PHF8: variants seen among roughly 807,000 people sequenced by gnomAD.
PHF8 encodes PHD finger protein 8.
Under a neutral mutation model 74.4 loss-of-function variants are expected in PHF8, and 9 were observed. The observed-to-expected ratio is 0.12, with a 90% CI of 0.07 to 0.21. The LOEUF (loss-of-function observed/expected upper bound fraction) is 0.21. PHF8 is among the 10% of genes least tolerant of loss of function. PHF8 has a pLI of 1.00. For synonymous variants in PHF8, 311 were observed against 316.6 expected (o/e 0.98, Z 0.19); for missense variants, 478 against 816.6 (o/e 0.59, Z 5.05).
intron 2 of PHF8, among the ~76,000 whole-genome samples, chrX:54,041,416 A>C (rs887228450): frequency 9.1e-6 from 1 of 109,669 alleles, no homozygotes; most frequent in East Asian, 2.8e-4. Context: ...AAAAAAGAAA[A>C]AAAGAAAAAG....
intron 2 of PHF8, among the ~76,000 whole-genome samples, chrX:54,025,108 C>T (rs2066246672): frequency 9.0e-6 from 1 of 111,018 alleles, no homozygotes; most frequent in Admixed American, 9.6e-5. Context: ...GATCTCCTGA[C>T]CTCGTGATCC....
At chrX:53,964,728 G>A (rs1337881662) in intron 18 of PHF8, among the ~76,000 whole-genome samples, 1 of 110,021 alleles carries the variant, frequency 9.1e-6, no homozygotes, top group South Asian at 3.9e-4. Context: ...GTAGCTGGGC[G>A]TGGTGGCGCG....
chrX:54,026,530 TTTGTTG>T (rs782228820), intron 2 of PHF8, among the ~76,000 whole-genome samples: 22 of 103,071 alleles, frequency 2.1e-4, no homozygotes, highest in African/African-American at 6.6e-4. Context: ...GGTTTTGGCT[TTTGTTG>T]TTGTTGTTGT....
At chrX:53,985,724 AAT>A in intron 17 of PHF8, 90 bp downstream of exon 17, 3 of 1,190,254 alleles carry the variant, frequency 2.5e-6, no homozygotes, top group Non-Finnish European at 3.4e-6. Flanking sequence ...TAGCTCTATA[AAT>A]ATCTACTGAT....
At chrX:54,036,600 ACT>A (rs1491242902) in intron 2 of PHF8, among the ~76,000 whole-genome samples, 7 of 86,811 alleles carry the variant, frequency 8.1e-5, no homozygotes, top group African/African-American at 3.5e-4. Flanking sequence ...AAAAAAAAAA[ACT>A]TTTTTTTTTT....
At chrX:53,944,398 T>G in intron 19 of PHF8, 155 bp from the exon 20 acceptor site, 1 of 456,740 alleles carries the variant, frequency 2.2e-6, no homozygotes, top group Non-Finnish European at 3.9e-6. Context: ...CATAAGAACC[T>G]AATTCACCAA....
chrX:53,993,692 G>A lies in PHF8; in HGVS notation c.1535C>T (p.Ser512Leu). 2.5e-6 allele frequency: 3 copies of A among 1,209,427 alleles called. No homozygotes were observed. The highest frequency in any genetic ancestry group is 3.4e-6 in the Non-Finnish European group (3 of 892,953). ...KKAERKGKES[S>L]ALGPAGQLSY... ...CAACTGGCCAGCAGGCCCCAAGGCTGAACTCTCCTTGCCCTTTCGCTCTGC... is the reference window on the plus strand; with the variant it reads ...CAACTGGCCAGCAGGCCCCAAGGCTAAACTCTCCTTGCCCTTTCGCTCTGC... The change falls in exon 13 of 22, where the codon TCA becomes TTA. Residue 512 changes from serine to leucine, a missense_variant. Around this residue, in one of 9 missense-constraint regions of PHF8, gnomAD observed 153 missense variants for 164.8 expected, o/e 0.93. Coordinates refer to ENST00000338154, the MANE Select transcript of PHF8 (RefSeq NM_015107.3).
intron 11 of PHF8, among the ~76,000 whole-genome samples, chrX:53,997,769 C>T (rs1557103307): frequency 8.9e-6 from 1 of 111,874 alleles, no homozygotes; most frequent in African/African-American, 3.2e-5. Context: ...CTCTAAAGTT[C>T]ACTCCATGGG....
At chrX:54,045,188 C>A, upstream of PHF8, 1 of 267,268 alleles carries the variant, frequency 3.7e-6, no homozygotes, top group Non-Finnish European at 6.6e-6. Context: ...TTGTTTGCAC[C>A]TGTCCCACAA....
chrX:54,008,184 T>C (rs1235364312), intron 8 of PHF8, among the ~76,000 whole-genome samples: 3 of 109,867 alleles, frequency 2.7e-5, no homozygotes, highest in Non-Finnish European at 5.7e-5. Context: ...CTGGCCAACA[T>C]GGTAAAACCC....
intron 2 of PHF8, among the ~76,000 whole-genome samples, chrX:54,028,781 C>T (rs782328519): frequency 8.9e-6 from 1 of 112,110 alleles, no homozygotes; most frequent in African/African-American, 3.2e-5. Flanking sequence ...ATCACTGATT[C>T]ACCTCTAGCC....
intron 14 of PHF8, among the ~76,000 whole-genome samples, chrX:53,990,308 T>C (rs2065637912): frequency 9.0e-6 from 1 of 111,682 alleles, no homozygotes; most frequent in Non-Finnish European, 1.9e-5. Context: ...AACACCAAGT[T>C]TGGAGAGAAG....
At chrX:54,031,947 C>G (rs1287310646) in intron 2 of PHF8, among the ~76,000 whole-genome samples, 1 of 111,428 alleles carries the variant, frequency 9.0e-6, no homozygotes, top group Non-Finnish European at 1.9e-5. Context: ...TTCTAATGAC[C>G]TCTCAGGTGA....
At chrX:54,043,072 T>G in intron 1 of PHF8, 80 of 470,475 alleles carry the variant, frequency 1.7e-4, no homozygotes, top group Non-Finnish European at 2.2e-4. Flanking sequence ...TTCGGCCCCG[T>G]TGTCAGTGAT....
intron 8 of PHF8, among the ~76,000 whole-genome samples, chrX:54,006,538 G>A (rs2065899133): frequency 8.9e-6 from 1 of 111,839 alleles, no homozygotes; most frequent in South Asian, 3.7e-4. Flanking sequence ...GTAAATACTA[G>A]TAGACTGTGA....
At chrX:53,957,676 T>A (rs1432291054) in intron 19 of PHF8, among the ~76,000 whole-genome samples, 3 of 112,249 alleles carry the variant, frequency 2.7e-5, no homozygotes, top group Non-Finnish European at 5.6e-5. Flanking sequence ...TCTCCTAGCA[T>A]CTCTGGCTGA....
chrX:54,023,822 C>T (rs890816548), intron 2 of PHF8, among the ~76,000 whole-genome samples: 1 of 78,691 alleles, frequency 1.3e-5, no homozygotes, highest in Non-Finnish European at 2.3e-5. Context: ...GCCTGGGTGA[C>T]AGAACAAGAC....
intron 18 of PHF8, among the ~76,000 whole-genome samples, chrX:53,975,865 TATA>T (rs782129309): frequency 8.9e-5 from 10 of 112,128 alleles, no homozygotes; most frequent in East Asian, 5.5e-4. Flanking sequence ...AGAAGAGAAT[TATA>T]ATGTTTCTGA....
chrX:53,946,298 A>G (rs1231546357), intron 19 of PHF8, among the ~76,000 whole-genome samples: 5 of 112,658 alleles, frequency 4.4e-5, no homozygotes, highest in Non-Finnish European at 9.4e-5. Flanking sequence ...TACTGTCACT[A>G]ATAGTGAGAA....
Sources: gnomAD v4.1 joint callset for allele counts (sites outside exome capture counted in the v4.1 genomes callset) on GRCh38, gnomAD v4.1.1 for gene constraint, gnomAD v4.1.1 regional missense constraint, MANE v1.5 for transcripts, NCBI Gene and HGNC (gene_info 2026-07-23, HGNC 2026-07-21) for gene names.